Variants in CAMK1D observed in about 807,000 individuals in gnomAD.
The protein encoded by CAMK1D is calcium/calmodulin dependent protein kinase ID, also known as calcium/calmodulin-dependent protein kinase type 1D.
Under a neutral mutation model 47.7 loss-of-function variants are expected in CAMK1D, and 9 were observed. That is an observed-to-expected ratio of 0.19 (90% CI 0.11 to 0.33). The LOEUF (loss-of-function observed/expected upper bound fraction) is 0.33. CAMK1D is among the 10% of genes least tolerant of loss of function. CAMK1D has a pLI of 1.00. For missense variants in CAMK1D, 291 were observed against 488.7 expected, an observed-to-expected ratio of 0.60 and a Z score of 3.81; for synonymous variants, 184 against 184.9, an observed-to-expected ratio of 0.99 and a Z score of 0.04.
intron 1 of CAMK1D, among the ~76,000 whole-genome samples, chr10:12,548,011 G>A (rs1836452853): frequency 6.6e-6 from 1 of 152,172 alleles, no homozygotes; most frequent in Non-Finnish European, 1.5e-5. Flanking sequence ...CCTGTCACCT[G>A]CGGTGCTTGC....
At chr10:12,629,641 C>T (rs1839320570) in intron 2 of CAMK1D, among the ~76,000 whole-genome samples, 1 of 152,188 alleles carries the variant, frequency 6.6e-6, no homozygotes, top group South Asian at 2.1e-4. Context: ...GTTTCAACCT[C>T]TACATTATCT....
In CAMK1D at chr10:12,738,103, C is replaced by T. The variant is rs548743095; in HGVS notation, c.300-22845C>T. ...AGGAATGTGTGGAGAAATCTAATTA[C>T]CCAATAAAATGAAAAGCATCTGTAG... On this transcript the variant is annotated intron_variant, in intron 3 of 10. Coordinates refer to ENST00000619168, the MANE Select transcript of CAMK1D (RefSeq NM_153498.4). 3.9e-5 allele frequency among the ~76,000 whole-genome samples: 6 copies of T among 152,194 alleles called. No homozygotes were observed. The South Asian group carries it at 1.0e-3, about 26-fold the overall frequency.
At chr10:12,581,437 A>G (rs185131967) in intron 2 of CAMK1D, among the ~76,000 whole-genome samples, 126 of 152,236 alleles carry the variant, frequency 8.3e-4, no homozygotes, top group African/African-American at 2.6e-3. Context: ...CAGTAGATCT[A>G]CTTTTAGTTG....
At chr10:12,823,578 C>G (rs1472586601) in intron 8 of CAMK1D, among the ~76,000 whole-genome samples, 1 of 151,798 alleles carries the variant, frequency 6.6e-6, no homozygotes, top group Non-Finnish European at 1.5e-5. Context: ...GGCTGTAAGA[C>G]CCAAGAAAGA....
intron 5 of CAMK1D, among the ~76,000 whole-genome samples, chr10:12,774,418 G>GGC (rs1837183282): frequency 6.6e-6 from 1 of 152,096 alleles, no homozygotes; most frequent in South Asian, 2.1e-4. Flanking sequence ...GGAGAATGTG[G>GGC]GCAAGCAGCA....
At chr10:12,650,715 G>A (rs2132509340) in intron 2 of CAMK1D, among the ~76,000 whole-genome samples, 1 of 152,284 alleles carries the variant, frequency 6.6e-6, no homozygotes, top group East Asian at 1.9e-4. Context: ...GCATCCTTGT[G>A]CCGCGTTCTC....
intron 8 of CAMK1D, among the ~76,000 whole-genome samples, chr10:12,817,705 G>GT (rs975987140): frequency 6.6e-6 from 1 of 152,012 alleles, no homozygotes. Context: ...GTTTTGTTTT[G>GT]TTTTTTTGAG....
At chr10:12,726,775 G>T (rs1415188351) in intron 3 of CAMK1D, among the ~76,000 whole-genome samples, 1 of 152,228 alleles carries the variant, frequency 6.6e-6, no homozygotes, top group African/African-American at 2.4e-5. Flanking sequence ...AGGTTCTTGA[G>T]CCCACAACCT....
At chr10:12,350,745 G>T (rs1020212752) in intron 1 of CAMK1D, among the ~76,000 whole-genome samples, 1 of 152,238 alleles carries the variant, frequency 6.6e-6, no homozygotes, top group African/African-American at 2.4e-5. Flanking sequence ...CTCAGAATAG[G>T]TGGGGAGGCT....
At chr10:12,432,464 TTAA>T (rs1832511520) in intron 1 of CAMK1D, among the ~76,000 whole-genome samples, 2 of 77,746 alleles carry the variant, frequency 2.6e-5, no homozygotes, top group South Asian at 9.7e-4. Flanking sequence ...AATGAATGAA[TTAA>T]TAAATAAATC....
chr10:12,789,922 GCCTCT>G (rs1490156761), intron 5 of CAMK1D, among the ~76,000 whole-genome samples: 1 of 152,262 alleles, frequency 6.6e-6, no homozygotes, highest in Non-Finnish European at 1.5e-5. Context: ...CAGATTCACT[GCCTCT>G]TCTTGTATTT....
At chr10:12,372,226 C>G (rs1246577246) in intron 1 of CAMK1D, among the ~76,000 whole-genome samples, 1 of 152,058 alleles carries the variant, frequency 6.6e-6, no homozygotes, top group Non-Finnish European at 1.5e-5. Flanking sequence ...CAGAACATAC[C>G]CGAGACTGTT....
chr10:12,563,091 T>C (rs2648711), intron 2 of CAMK1D, among the ~76,000 whole-genome samples: 55,537 of 152,188 alleles, frequency 0.36, 10,808 homozygotes, highest in East Asian at 0.52. Flanking sequence ...ATCCACCATC[T>C]GCAAACTGGA....
rs539214312 is a variant in CAMK1D at position 12,571,317 on chromosome 10, C to T, written c.224+17961C>T. ...ACAAAAAATCAGCCGGGCATGGTGG[C>T]GCGTGCCTGTAATCCCAGCTACTTG... On this transcript the variant is annotated intron_variant, in intron 2 of 10. Transcript: ENST00000619168. 8.0e-4 allele frequency among the ~76,000 whole-genome samples: 121 copies of T among 151,676 alleles called. 1 individual carries two copies. Among genetic ancestry groups the T allele is most frequent in the Admixed American group, 1.4e-3 (21 of 15,240 alleles).
At chr10:12,563,663 TTG>T (rs1837017660) in intron 2 of CAMK1D, among the ~76,000 whole-genome samples, 1 of 93,528 alleles carries the variant, frequency 1.1e-5, no homozygotes, top group East Asian at 5.3e-4. Flanking sequence ...GGCGGAAGGT[TTG>T]AGAGAGAGAG....
At chr10:12,436,766 T>C (rs1317229449) in intron 1 of CAMK1D, among the ~76,000 whole-genome samples, 1 of 152,130 alleles carries the variant, frequency 6.6e-6, no homozygotes, top group Non-Finnish European at 1.5e-5. Flanking sequence ...TGTGACAGGA[T>C]CTATGGTATT....
At chr10:12,765,777 C>T (rs930471373) in intron 4 of CAMK1D, among the ~76,000 whole-genome samples, 4 of 151,906 alleles carry the variant, frequency 2.6e-5, no homozygotes, top group East Asian at 1.9e-4. Context: ...AGCGGGTTTC[C>T]GGTCTGTGGT....
intron 1 of CAMK1D, among the ~76,000 whole-genome samples, chr10:12,357,677 G>A (rs968019283): frequency 2.6e-5 from 4 of 152,074 alleles, no homozygotes; most frequent in African/African-American, 9.7e-5. Flanking sequence ...GCTGGTGCCC[G>A]AGTCAGCGGA....
chr10:12,468,191 G>A (rs1833647341), intron 1 of CAMK1D, among the ~76,000 whole-genome samples: 1 of 152,158 alleles, frequency 6.6e-6, no homozygotes, highest in South Asian at 2.1e-4. Flanking sequence ...GAGTAGCTGG[G>A]ACTACAGGTG....
Sources: gnomAD v4.1 joint callset for allele counts (sites outside exome capture counted in the v4.1 genomes callset) on GRCh38, gnomAD v4.1.1 for gene constraint, MANE v1.5 for transcripts, NCBI Gene and HGNC (gene_info 2026-07-23, HGNC 2026-07-21) for gene names.